Variants in INPP5A observed in about 807,000 individuals in gnomAD.
INPP5A encodes inositol polyphosphate-5-phosphatase A.
INPP5A carries 14 observed loss-of-function variants against 65.2 expected under a neutral mutation model. The ratio of observed to expected loss-of-function variants is 0.21; its 90% confidence interval spans 0.14 to 0.34. The LOEUF is 0.34. Among genes scored for constraint, INPP5A ranks in the 10% least tolerant of loss-of-function variants. The probability of loss-of-function intolerance (pLI) is 1.00; values close to 1 mark genes in which losing one functional copy is unlikely to be tolerated. For synonymous variants in INPP5A, 207 were observed against 208.3 expected, an observed-to-expected ratio of 0.99 and a Z score of 0.05; for missense variants, 431 against 545.6, an observed-to-expected ratio of 0.79 and a Z score of 2.09.
At position 132,550,266 on chromosome 10, in the gene INPP5A, C is replaced by T. The variant is rs907786686; in HGVS notation, c.75+12095C>T. 6.6e-6 allele frequency among the ~76,000 whole-genome samples: 1 copy of T among 152,210 alleles called. No homozygotes were observed. The highest frequency in any genetic ancestry group is 2.4e-5 in the African/African-American group (1 of 41,446). On this transcript the variant is annotated intron_variant, in intron 1 of 15. Coordinates refer to ENST00000368594, the MANE Select transcript of INPP5A (RefSeq NM_005539.5). The surrounding 1 kb of genome is among the most constrained non-coding windows in gnomAD (Gnocchi z 4.2). ...TGGTCCCGCAGGTTAATTCACTTCACCCAGCCTCTCAGGGATGTAATGAGG... is the reference window on the plus strand; with the variant it reads ...TGGTCCCGCAGGTTAATTCACTTCATCCAGCCTCTCAGGGATGTAATGAGG...
chr10:132,688,610 TGTGTGA>T (rs1564965172), intron 4 of INPP5A, among the ~76,000 whole-genome samples: 16 of 150,478 alleles, frequency 1.1e-4, no homozygotes, highest in Non-Finnish European at 1.5e-5. Context: ...TGTGTGCAAG[TGTGTGA>T]GTGTGAGCAA....
At chr10:132,777,221 A>G (rs1847079960) in intron 12 of INPP5A, among the ~76,000 whole-genome samples, 1 of 152,202 alleles carries the variant, frequency 6.6e-6, no homozygotes, top group South Asian at 2.1e-4. Flanking sequence ...CGTTGGTCAA[A>G]GCGGAGACCA....
chr10:132,646,838 G>A (rs1001908858), intron 3 of INPP5A, among the ~76,000 whole-genome samples: 2 of 152,126 alleles, frequency 1.3e-5, no homozygotes, highest in African/African-American at 4.8e-5. Flanking sequence ...CTGCTGCCAC[G>A]CTCTGTGGGT....
chr10:132,718,052 C>T (rs553602768), intron 8 of INPP5A, among the ~76,000 whole-genome samples: 11 of 134,390 alleles, frequency 8.2e-5, no homozygotes, highest in East Asian at 2.3e-4. Context: ...GGCTGTCTTG[C>T]GGGTTCTGTG....
intron 1 of INPP5A, among the ~76,000 whole-genome samples, chr10:132,572,832 G>A (rs2071362967): frequency 6.6e-6 from 1 of 152,198 alleles, no homozygotes; most frequent in South Asian, 2.1e-4. Flanking sequence ...CCCTTGCTCT[G>A]CTGATTGCTG....
rs368029288 is a variant in INPP5A at position 132,696,843 on chromosome 10, C to T, written c.371-973C>T. Among the ~76,000 whole-genome samples, 25 of 152,306 alleles carry T rather than the reference C, an allele frequency of 1.6e-4. No homozygotes were observed. The East Asian group carries it at 4.2e-3, about 26-fold the overall frequency. ...CCCAGGGCCGGGCCACACCACAGCA[C>T]CCAGGGCTGGGCCAGACCACAGCAC... is the stretch of plus-strand genomic sequence containing the variant. On this transcript the variant is annotated intron_variant, in intron 5 of 15. Coordinates refer to ENST00000368594, the MANE Select transcript of INPP5A (RefSeq NM_005539.5).
At chr10:132,571,568 C>T (rs368521029) in intron 1 of INPP5A, among the ~76,000 whole-genome samples, 1 of 152,238 alleles carries the variant, frequency 6.6e-6, no homozygotes, top group African/African-American at 2.4e-5. Flanking sequence ...AAAAGTGCAG[C>T]TGATATTTAT....
At chr10:132,768,460 C>T (rs1174270281) in intron 12 of INPP5A, among the ~76,000 whole-genome samples, 1 of 152,264 alleles carries the variant, frequency 6.6e-6, no homozygotes, top group Non-Finnish European at 1.5e-5. Flanking sequence ...GCTTCCTCTT[C>T]GGCATTTGGC....
intron 4 of INPP5A, among the ~76,000 whole-genome samples, chr10:132,664,203 T>G (rs549890230): frequency 2.6e-5 from 4 of 152,372 alleles, no homozygotes; most frequent in African/African-American, 9.6e-5. Context: ...TGCCTGGCTT[T>G]CTTTCCTGTG....
At chr10:132,604,954 G>T (rs1415030446) in intron 1 of INPP5A, among the ~76,000 whole-genome samples, 1 of 152,186 alleles carries the variant, frequency 6.6e-6, no homozygotes, top group Non-Finnish European at 1.5e-5. Context: ...TCAGGGCCTG[G>T]TGGCTGTGCA....
In INPP5A at chr10:132,697,991, G is replaced by A. The variant is rs945578674; in HGVS notation, c.474+72G>A. The stretch of plus-strand genomic sequence containing the variant: ...GCCAGTCAGAAGTGACATGGAACAC[G>A]GAATTTTCGCATTGCACTGTTACTA... On this transcript the variant is annotated intron_variant, in intron 6 of 15. Transcript: ENST00000368594. This position sits in a 1 kb window ranked among gnomAD's most constrained non-coding sequence, Gnocchi z 5.6. The A allele has an allele frequency of 1.7e-4, 168 of 1,004,038 alleles. No homozygotes were observed. The highest frequency in any genetic ancestry group is 2.4e-4 in the Non-Finnish European group (156 of 641,340). The allele number at this position is 1,004,038 out of a possible 1,614,324, so 62.2% of individuals were successfully genotyped here. A position where few individuals can be genotyped will look rare whatever the true frequency, so the allele number is the denominator to read the frequency against.
At chr10:132,564,982 C>T (rs1330574033) in intron 1 of INPP5A, among the ~76,000 whole-genome samples, 1 of 152,236 alleles carries the variant, frequency 6.6e-6, no homozygotes, top group Non-Finnish European at 1.5e-5. Context: ...GCAGTACCAA[C>T]ACCAACAAGC....
rs2133235209 is a variant in INPP5A at position 132,538,343 on chromosome 10, G to A, written c.75+172G>A. Among the ~76,000 whole-genome samples the A allele has an allele frequency of 6.6e-6, 1 of 152,140 alleles. No individual in the cohort carries two copies. Among genetic ancestry groups the A allele is most frequent in the African/African-American group, 2.4e-5 (1 of 41,500 alleles). ...CTCCTGTCCTGATTCCCAAGTCTGG[G>A]AGCCCAGACCCCTGTCTTGATCCCC... On this transcript the variant is annotated intron_variant, in intron 1 of 15. Coordinates refer to ENST00000368594, the MANE Select transcript of INPP5A (RefSeq NM_005539.5). The surrounding 1 kb of genome is among the most constrained non-coding windows in gnomAD (Gnocchi z 4.1).
chr10:132,701,762 C>T (rs374633734), intron 6 of INPP5A, among the ~76,000 whole-genome samples: 1 of 152,244 alleles, frequency 6.6e-6, no homozygotes, highest in East Asian at 1.9e-4. Flanking sequence ...CCCACCCCAC[C>T]CCAGCCCTGG....
intron 11 of INPP5A, among the ~76,000 whole-genome samples, chr10:132,756,801 A>C (rs1846628571): frequency 6.6e-6 from 1 of 152,270 alleles, no homozygotes; most frequent in African/African-American, 2.4e-5. Flanking sequence ...CGCCGTTATC[A>C]CAGGAGATGA....
intron 6 of INPP5A, among the ~76,000 whole-genome samples, chr10:132,702,137 G>C (rs1294391987): frequency 6.6e-6 from 1 of 152,234 alleles, no homozygotes; most frequent in African/African-American, 2.4e-5. Flanking sequence ...AGTGGTAGCT[G>C]CTCTGACGAG....
intron 14 of INPP5A, among the ~76,000 whole-genome samples, chr10:132,781,386 A>T (rs982590850): frequency 3.3e-5 from 5 of 152,106 alleles, no homozygotes; most frequent in African/African-American, 7.2e-5. Flanking sequence ...GCACCTCGAG[A>T]GTGTGCACAG....
intron 6 of INPP5A, among the ~76,000 whole-genome samples, chr10:132,700,072 C>T (rs1845412493): frequency 6.6e-6 from 1 of 152,218 alleles, no homozygotes; most frequent in African/African-American, 2.4e-5. Flanking sequence ...GGGGCCGCCC[C>T]TCCCCCAGGA....
At chr10:132,688,855 TGTGCATGAGTTA>T (rs1410713866) in intron 4 of INPP5A, among the ~76,000 whole-genome samples, 2 of 151,758 alleles carry the variant, frequency 1.3e-5, no homozygotes, top group African/African-American at 2.4e-5. Flanking sequence ...TGAGTGCGTG[TGTGCATGAGTTA>T]GTGCATGAGT....
Sources: allele counts gnomAD v4.1 joint callset (sites outside exome capture counted in the v4.1 genomes callset), GRCh38; gene constraint gnomAD v4.1.1; non-coding constraint Gnocchi (gnomAD v3.1); transcripts MANE v1.5; gene names NCBI Gene and HGNC (gene_info 2026-07-23, HGNC 2026-07-21).